MNAT1: variants seen among roughly 807,000 people sequenced by gnomAD.
MNAT1 encodes MNAT1 component of CDK activating kinase.
In MNAT1, 43 loss-of-function variants were observed where a neutral mutation model predicts 42.0. The observed-to-expected ratio is 1.02, with a 90% CI of 0.80 to 1.32. The LOEUF (loss-of-function observed/expected upper bound fraction) is 1.32. Among genes scored for constraint, MNAT1 ranks in the 40% most tolerant of loss-of-function variants. The pLI, the probability that MNAT1 is intolerant of heterozygous loss-of-function variation, is 0.00. For synonymous variants in MNAT1, 118 were observed against 120.0 expected, an observed-to-expected ratio of 0.98 and a Z score of 0.11; for missense variants, 306 against 350.4, an observed-to-expected ratio of 0.87 and a Z score of 1.01.
rs893345081 is a variant in MNAT1 at position 60,900,418 on chromosome 14, C to T, written c.809+20583C>T. Among the ~76,000 whole-genome samples, 4 of 152,200 alleles carry T rather than the reference C, an allele frequency of 2.6e-5. 1 individual carries two copies. The highest frequency in any genetic ancestry group is 6.8e-3 in the Middle Eastern group (2 of 294). ...GAAAGTTTTAGTGGTCTGGATAGAT[C>T]GAAGAAGCAAGAACAATCCCTTAAA... On this transcript the variant is annotated intron_variant, in intron 7 of 7. Coordinates refer to ENST00000261245, the MANE Select transcript of MNAT1 (RefSeq NM_002431.4).
chr14:60,944,255 TC>T (rs1443740880), intron 7 of MNAT1, among the ~76,000 whole-genome samples: 1 of 152,106 alleles, frequency 6.6e-6, no homozygotes, highest in Non-Finnish European at 1.5e-5. Flanking sequence ...TTATCAGAGA[TC>T]GTAAGTTTCT....
At chr14:60,745,479 C>T (rs182018743) in intron 1 of MNAT1, among the ~76,000 whole-genome samples, 2 of 152,246 alleles carry the variant, frequency 1.3e-5, no homozygotes, top group East Asian at 1.9e-4. Flanking sequence ...TGCAGTGGTG[C>T]GATCTTGGCT....
chr14:60,900,048 A>ATCTCTCTCTCTC (rs61149455), intron 7 of MNAT1, among the ~76,000 whole-genome samples: 1,400 of 136,364 alleles, frequency 0.01, 28 homozygotes, highest in African/African-American at 0.023. Flanking sequence ...CTGTTTCCCC[A>ATCTCTCTCTCTC]TCTCTCTCTC....
At chr14:60,925,704 T>C (rs965434160) in intron 7 of MNAT1, among the ~76,000 whole-genome samples, 1 of 152,204 alleles carries the variant, frequency 6.6e-6, no homozygotes, top group Non-Finnish European at 1.5e-5. Flanking sequence ...TTAACCAAGC[T>C]TTAAAAAATC....
chr14:60,794,579 T>G (rs966554723), intron 1 of MNAT1, among the ~76,000 whole-genome samples: 6 of 142,740 alleles, frequency 4.2e-5, no homozygotes, highest in Admixed American at 3.0e-4. Context: ...TGTAGGACGA[T>G]TGCCTGAATC....
intron 3 of MNAT1, among the ~76,000 whole-genome samples, chr14:60,800,941 A>G (rs2032183792): frequency 6.6e-6 from 1 of 152,174 alleles, no homozygotes; most frequent in Non-Finnish European, 1.5e-5. Flanking sequence ...TTTGCCCTCA[A>G]TAAGCTCAGA....
intron 7 of MNAT1, among the ~76,000 whole-genome samples, chr14:60,936,690 G>C (rs1045744142): frequency 1.3e-5 from 2 of 152,144 alleles, no homozygotes; most frequent in Non-Finnish European, 2.9e-5. Context: ...AAACATACAT[G>C]TGCATGTGCC....
At chr14:60,743,001 T>C (rs1241039192) in intron 1 of MNAT1, among the ~76,000 whole-genome samples, 2 of 152,218 alleles carry the variant, frequency 1.3e-5, no homozygotes, top group Non-Finnish European at 2.9e-5. Flanking sequence ...GTTTCTCTCA[T>C]GTATATATTT....
At chr14:60,815,504 C>T (rs565282966) in intron 5 of MNAT1, among the ~76,000 whole-genome samples, 46 of 152,238 alleles carry the variant, frequency 3.0e-4, no homozygotes, top group Admixed American at 2.6e-4. Context: ...TGTGAGCCAC[C>T]GCGCCCAGCC....
At chr14:60,864,498 T>C (rs916488468) in intron 6 of MNAT1, among the ~76,000 whole-genome samples, 2 of 150,662 alleles carry the variant, frequency 1.3e-5, no homozygotes, top group African/African-American at 2.4e-5. Flanking sequence ...AGAGCTTCAG[T>C]TTCTTTTCCT....
At chr14:60,737,929 A>G (rs967642570) in intron 1 of MNAT1, among the ~76,000 whole-genome samples, 1 of 151,390 alleles carries the variant, frequency 6.6e-6, no homozygotes, top group Non-Finnish European at 1.5e-5. Context: ...GCTCACTGCA[A>G]GCTCCGCCTC....
chr14:60,784,496 C>T (rs745863823), intron 1 of MNAT1, among the ~76,000 whole-genome samples: 9 of 151,162 alleles, frequency 6.0e-5, no homozygotes, highest in Non-Finnish European at 1.2e-4. Context: ...TTTTTTCCCC[C>T]GCAAGACAGA....
intron 1 of MNAT1, among the ~76,000 whole-genome samples, chr14:60,746,815 A>G (rs533803260): frequency 1.4e-5 from 2 of 146,010 alleles, no homozygotes; most frequent in African/African-American, 5.0e-5. Flanking sequence ...TTTACAAGAT[A>G]TTTACTAATT....
At chr14:60,875,488 T>C (rs957282283) in intron 6 of MNAT1, among the ~76,000 whole-genome samples, 15 of 152,124 alleles carry the variant, frequency 9.9e-5, no homozygotes, top group Non-Finnish European at 1.6e-4. Context: ...TCAGTCACAA[T>C]ATCTAACCCC....
At chr14:60,947,738 A>G (rs996058773) in intron 7 of MNAT1, among the ~76,000 whole-genome samples, 1 of 152,184 alleles carries the variant, frequency 6.6e-6, no homozygotes, top group Non-Finnish European at 1.5e-5. Context: ...GTTAGTTTGA[A>G]AATCAGATTT....
chr14:60,912,044 C>T (rs1487920130), intron 7 of MNAT1, among the ~76,000 whole-genome samples: 4 of 151,490 alleles, frequency 2.6e-5, no homozygotes, highest in Non-Finnish European at 4.4e-5. Flanking sequence ...GTTAGCTCTT[C>T]TTGTTGAATT....
chr14:60,898,143 G>A (rs968988211), intron 7 of MNAT1, among the ~76,000 whole-genome samples: 3 of 4,078 alleles, frequency 7.4e-4, no homozygotes, highest in South Asian at 3.4e-3. Context: ...GTGTGTGTGC[G>A]CGCGCCACAT....
intron 3 of MNAT1, among the ~76,000 whole-genome samples, chr14:60,805,005 C>A (rs1412954900): frequency 6.6e-6 from 1 of 152,142 alleles, no homozygotes; most frequent in Non-Finnish European, 1.5e-5. Context: ...GCTTACTTTT[C>A]AGTAGATTCA....
Position 60,734,765 on chromosome 14 carries a change from GCCTGTTGGTAGGA to G in MNAT1, c.-97_-85del, listed in dbSNP as rs1896253112. Reference sequence around the variant, plus strand: ...CGCGAAGGGACCGTCTCTGCCAAGCGCCTGTTGGTAGGAACCTGCTTGGTCGCGTCTGAGGGGG... The same window carrying G: ...CGCGAAGGGACCGTCTCTGCCAAGCGACCTGCTTGGTCGCGTCTGAGGGGG... On this transcript the variant is annotated 5_prime_UTR_variant, in exon 1 of 8. Coordinates refer to ENST00000261245, the MANE Select transcript of MNAT1 (RefSeq NM_002431.4). This position sits in a 1 kb window ranked among gnomAD's most constrained non-coding sequence, Gnocchi z 4.3. The G allele has an allele frequency of 2.8e-6, 3 of 1,057,998 alleles. No homozygotes were observed. The highest frequency in any genetic ancestry group is 4.3e-6 in the Non-Finnish European group (3 of 692,902). The allele number at this position is 1,057,998 out of a possible 1,614,324, so 65.5% of individuals were successfully genotyped here. A position where few individuals can be genotyped will look rare whatever the true frequency, so the allele number is the denominator to read the frequency against.
Sources: allele counts gnomAD v4.1 joint callset (sites outside exome capture counted in the v4.1 genomes callset), GRCh38; gene constraint gnomAD v4.1.1; non-coding constraint Gnocchi (gnomAD v3.1); transcripts MANE v1.5; gene names NCBI Gene and HGNC (gene_info 2026-07-23, HGNC 2026-07-21).